The following CEP120 variants were observed in gnomAD, a reference collection of about 807,000 sequenced individuals.
The protein encoded by CEP120 is centrosomal protein 120.
Under a neutral mutation model 126.5 loss-of-function variants are expected in CEP120, and 113 were observed. That is an observed-to-expected ratio of 0.89 (90% CI 0.77 to 1.04). The LOEUF is 1.04. Among genes scored for constraint, CEP120 ranks in the 50% least tolerant of loss-of-function variants. The pLI is 0.00. For missense variants in CEP120, 1,230 were observed against 1,155.7 expected (o/e 1.06, Z -0.93); for synonymous variants, 400 against 394.3 (o/e 1.01, Z -0.17).
chr5:123,390,035 T>C lies in CEP120; in HGVS notation c.1144A>G (p.Thr382Ala), dbSNP rs997488622. Residue 382 changes from threonine to alanine, a missense_variant, in exon 8 of 20, where the codon ACA becomes GCA. Physicochemically the swap from Thr to Ala is moderately conservative, Grantham distance 58 (BLOSUM62 0). Transcript: ENST00000306467. Reference protein sequence around the residue: ...EKTLTGPKSPTVSPVPSHNQS... With the variant: ...EKTLTGPKSPAVSPVPSHNQS... ...TTGTGAGATGGAACAGGGGACACTG[T>C]TGGTGATTTTGGCCCAGTAAGTGTC... The C allele has an allele frequency of 6.8e-6, 11 of 1,614,008 alleles. No homozygotes were observed. The African/African-American group carries it at 1.2e-4, about 18-fold the overall frequency.
At chr5:123,405,274 T>A (rs1034845142) in intron 4 of CEP120, among the ~76,000 whole-genome samples, 1 of 128 alleles carries the variant, frequency 7.8e-3, no homozygotes, top group African/African-American at 0.026. Flanking sequence ...AGATAAAAAC[T>A]CCAGGGGACC....
At chr5:123,375,330 C>CTT (rs112675509) in intron 16 of CEP120, among the ~76,000 whole-genome samples, 29 of 149,696 alleles carry the variant, frequency 1.9e-4, no homozygotes, top group African/African-American at 5.4e-4. Flanking sequence ...AAGTCTTTTT[C>CTT]TTTTTTTTTT....
intron 19 of CEP120, among the ~76,000 whole-genome samples, chr5:123,347,658 T>G (rs1374333094): frequency 6.6e-6 from 1 of 152,114 alleles, no homozygotes; most frequent in East Asian, 1.9e-4. Context: ...TATATTTTGT[T>G]TGTTTGAGAC....
intron 5 of CEP120, among the ~76,000 whole-genome samples, chr5:123,397,642 T>C (rs548588845): frequency 1.3e-5 from 2 of 152,310 alleles, no homozygotes; most frequent in South Asian, 2.1e-4. Context: ...GTTCTTTATA[T>C]AGTGGGGATG....
Position 123,346,393 on chromosome 5 carries a change from T to C in CEP120, c.*126A>G. On this transcript the variant is annotated 3_prime_UTR_variant, in exon 20 of 20. Transcript: ENST00000306467. Reference sequence around the variant, plus strand: ...ATCAAATAAATACTATACAATAACATACAAAATTTTGCTTATAAAAAATTG... The same window carrying C: ...ATCAAATAAATACTATACAATAACACACAAAATTTTGCTTATAAAAAATTG... 1.5e-6 allele frequency: 1 copy of C among 648,320 alleles called. No individual in the cohort carries two copies. The highest frequency in any genetic ancestry group is 2.6e-6 in the Non-Finnish European group (1 of 385,158). The allele number at this position is 648,320 out of a possible 1,614,324, so 40.2% of individuals were successfully genotyped here.
chr5:123,423,171 C>G lies in CEP120; in HGVS notation c.-173G>C, dbSNP rs890336416. The stretch of plus-strand genomic sequence containing the variant: ...GCCGTCTGCTGCAGCGCGCCCGGCT[C>G]CTCTGCCTCGGGCCGCCAGCCCAGA... On this transcript the variant is annotated 5_prime_UTR_variant, in exon 1 of 20. Coordinates refer to ENST00000306467, the MANE Select transcript of CEP120 (RefSeq NM_001375405.1). 3.2e-6 allele frequency: 2 copies of G among 618,040 alleles called. No individual in the cohort carries two copies. The highest frequency in any genetic ancestry group is 1.8e-5 in the African/African-American group (1 of 54,408). The allele number at this position is 618,040 out of a possible 1,614,324, so 38.3% of individuals were successfully genotyped here.
At chr5:123,409,992 C>CACACA (rs1554105684) in intron 4 of CEP120, among the ~76,000 whole-genome samples, 3,257 of 82,950 alleles carry the variant, frequency 0.039, 63 homozygotes, top group Admixed American at 0.046. Flanking sequence ...AAAAAAAAAA[C>CACACA]CACACACACA....
At chr5:123,383,922 CTTAA>C (rs1473528246) in intron 11 of CEP120, among the ~76,000 whole-genome samples, 2 of 152,070 alleles carry the variant, frequency 1.3e-5, no homozygotes, top group East Asian at 3.8e-4. Context: ...AATTAGAACT[CTTAA>C]TTAACCAACT....
intron 18 of CEP120, among the ~76,000 whole-genome samples, chr5:123,350,681 T>C (rs1345553811): frequency 1.3e-5 from 2 of 152,228 alleles, no homozygotes; most frequent in Non-Finnish European, 2.9e-5. Flanking sequence ...ATTCCACTCC[T>C]ACTTCAGTAA....
At position 123,355,612 on chromosome 5, in the gene CEP120, C is replaced by T. The variant is rs535859694; in HGVS notation, c.2581-5523G>A. 1.6e-3 allele frequency among the ~76,000 whole-genome samples: 242 copies of T among 152,130 alleles called. 2 individuals carry two copies. The highest frequency in any genetic ancestry group is 4.7e-3 in the African/African-American group (195 of 41,512). On this transcript the variant is annotated intron_variant, in intron 18 of 19. Transcript: ENST00000306467. The stretch of plus-strand genomic sequence containing the variant: ...TTGGGAAGTGTCTGTTCATATCCTT[C>T]GCCCACTTTTTGATGGGGTTGTTTT...
chr5:123,378,462 A>T, intron 14 of CEP120, 34 bp from the exon 15 acceptor site: 1 of 1,186,418 alleles, frequency 8.4e-7, no homozygotes. Context: ...AAAAAAAGTT[A>T]CCTACCTTCT....
intron 11 of CEP120, among the ~76,000 whole-genome samples, chr5:123,383,484 G>A (rs1771802738): frequency 6.6e-6 from 1 of 151,642 alleles, no homozygotes; most frequent in South Asian, 2.1e-4. Flanking sequence ...TTTACATCAG[G>A]GGCATTTTCT....
chr5:123,368,877 G>GAT (rs1463887556), intron 17 of CEP120, among the ~76,000 whole-genome samples: 1 of 151,896 alleles, frequency 6.6e-6, no homozygotes, highest in Non-Finnish European at 1.5e-5. Flanking sequence ...ACACTAAAGA[G>GAT]ATTTGTAAAA....
rs1158893932 is a variant in CEP120, at chr5:123,423,162, C to A, written c.-164G>T. On this transcript the variant is annotated 5_prime_UTR_variant, in exon 1 of 20. Transcript: ENST00000306467. ...GGTCCCACCGCCGTCTGCTGCAGCGCGCCCGGCTCCTCTGCCTCGGGCCGC... is the reference window on the plus strand; with the variant it reads ...GGTCCCACCGCCGTCTGCTGCAGCGAGCCCGGCTCCTCTGCCTCGGGCCGC... 8 of 627,572 alleles carry A rather than the reference C, an allele frequency of 1.3e-5. No individual in the cohort carries two copies. In the East Asian group the frequency reaches 1.9e-4, roughly 15 times the overall value. The allele number at this position is 627,572 out of a possible 1,614,324, so 38.9% of individuals were successfully genotyped here.
At chr5:123,389,295 T>A (rs1226542432) in intron 8 of CEP120, among the ~76,000 whole-genome samples, 2 of 147,500 alleles carry the variant, frequency 1.4e-5, no homozygotes, top group African/African-American at 4.9e-5. Flanking sequence ...AGTTAACAAC[T>A]GTTTTCTCCA....
chr5:123,393,553 T>C, intron 5 of CEP120, 56 bp from the exon 6 acceptor site: 1 of 1,382,992 alleles, frequency 7.2e-7, no homozygotes, highest in Non-Finnish European at 1.0e-6. Flanking sequence ...CTGAACATGC[T>C]TAGTGTATCT....
rs548047791 is a variant in CEP120 at position 123,385,790 on chromosome 5, G to T, written c.1581-657C>A. ...GGCTAATTTTTGTATTTTTTGTAGA[G>T]ACAGGGTTTCACCATTTTGCTCAGG... On this transcript the variant is annotated intron_variant, in intron 10 of 19. Transcript: ENST00000306467. 3.3e-5 allele frequency among the ~76,000 whole-genome samples: 5 copies of T among 152,054 alleles called. No individual in the cohort carries two copies. The South Asian group carries it at 1.0e-3, about 32-fold the overall frequency.
intron 4 of CEP120, among the ~76,000 whole-genome samples, chr5:123,409,681 G>T (rs1773909121): frequency 6.6e-6 from 1 of 152,172 alleles, no homozygotes; most frequent in African/African-American, 2.4e-5. Flanking sequence ...AAAAAGGCCA[G>T]GTGTGGTGGC....
intron 18 of CEP120, among the ~76,000 whole-genome samples, chr5:123,356,112 G>T (rs775685648): frequency 7.2e-5 from 11 of 151,998 alleles, no homozygotes; most frequent in African/African-American, 1.2e-4. Flanking sequence ...ATTTCTGAGG[G>T]CTCTGTTCTG....
Sources: gnomAD v4.1 joint callset for allele counts (sites outside exome capture counted in the v4.1 genomes callset) on GRCh38, gnomAD v4.1.1 for gene constraint, MANE v1.5 for transcripts, NCBI Gene and HGNC (gene_info 2026-07-23, HGNC 2026-07-21) for gene names.